CDH17: variants seen among roughly 807,000 people sequenced by gnomAD.
The protein encoded by CDH17 is cadherin-17.
CDH17 carries 67 observed loss-of-function variants against 86.3 expected under a neutral mutation model. That is an observed-to-expected ratio of 0.78 (90% CI 0.64 to 0.95). The LOEUF (loss-of-function observed/expected upper bound fraction) is 0.95, where lower values mean the gene tolerates loss of function less well. Ranked by LOEUF, CDH17 falls within the 40% of genes least tolerant of loss-of-function variation. The pLI, the probability that CDH17 is intolerant of heterozygous loss-of-function variation, is 0.00. For missense variants in CDH17, 993 were observed against 1,017.6 expected, an observed-to-expected ratio of 0.98 and a Z score of 0.33; for synonymous variants, 367 against 366.4, an observed-to-expected ratio of 1.00 and a Z score of -0.02.
At chr8:94,171,084 C>G in intron 7 of CDH17, 99 bp from the exon 8 acceptor site, 4 of 1,246,966 alleles carry the variant, frequency 3.2e-6, no homozygotes, top group Non-Finnish European at 4.4e-6. Context: ...TCTCTGACAA[C>G]CTTGTATGTT....
chr8:94,170,364 G>A (rs1403675815), intron 9 of CDH17, 33 bp downstream of exon 9: 2 of 1,604,982 alleles, frequency 1.2e-6, no homozygotes, highest in Non-Finnish European at 1.7e-6. Flanking sequence ...ATGGAGGGCA[G>A]TTACACAGCA....
chr8:94,153,558 T>C (rs1353866884), intron 12 of CDH17, among the ~76,000 whole-genome samples: 1 of 152,216 alleles, frequency 6.6e-6, no homozygotes, highest in Non-Finnish European at 1.5e-5. Flanking sequence ...CTATGTTCCC[T>C]GCAGCATCAT....
upstream of CDH17, among the ~76,000 whole-genome samples, chr8:94,213,203 C>T (rs539514963): frequency 2.6e-5 from 4 of 152,186 alleles, no homozygotes; most frequent in Non-Finnish European, 5.9e-5. Flanking sequence ...AACTCCTGAG[C>T]TCAAGTGATT....
intron 1 of CDH17, among the ~76,000 whole-genome samples, chr8:94,203,481 G>A (rs894424522): frequency 6.6e-6 from 1 of 152,118 alleles, no homozygotes; most frequent in Admixed American, 6.5e-5. Context: ...ATTGCTAAGA[G>A]CGGCATAAAT....
intron 1 of CDH17, among the ~76,000 whole-genome samples, chr8:94,200,023 A>G (rs1813874136): frequency 6.6e-6 from 1 of 152,228 alleles, no homozygotes. Flanking sequence ...TTGGTGGCCC[A>G]CTAATGAAAA....
In CDH17 at chr8:94,174,905, T is replaced by G. The variant is rs538078986; in HGVS notation, c.425-645A>C. Among the ~76,000 whole-genome samples, 29 of 152,318 alleles carry G rather than the reference T, an allele frequency of 1.9e-4. No individual in the cohort carries two copies. In the South Asian group the frequency reaches 4.8e-3, roughly 25 times the overall value. On this transcript the variant is annotated intron_variant, in intron 5 of 17. Transcript: ENST00000027335. ...TCAATTATTTTTCATTAAAACATGT[T>G]GATTAGTGTTATTTTTAATGAATTA... is the stretch of plus-strand genomic sequence containing the variant.
intron 12 of CDH17, among the ~76,000 whole-genome samples, chr8:94,153,725 G>A (rs1812897046): frequency 6.6e-6 from 1 of 152,124 alleles, no homozygotes; most frequent in East Asian, 1.9e-4. Context: ...CTTTAAAAAG[G>A]AAGGAAGTTC....
chr8:94,190,148 T>C (rs1813659103), intron 2 of CDH17, among the ~76,000 whole-genome samples: 1 of 152,216 alleles, frequency 6.6e-6, no homozygotes. Context: ...AAGTTACTAT[T>C]GTTACCCTTG....
intron 3 of CDH17, among the ~76,000 whole-genome samples, chr8:94,187,157 A>T (rs532224123): frequency 6.6e-6 from 1 of 152,252 alleles, no homozygotes; most frequent in East Asian, 1.9e-4. Flanking sequence ...GAGATAATGC[A>T]TATGTTAATT....
At chr8:94,130,443 G>C (rs1812389260) in intron 17 of CDH17, among the ~76,000 whole-genome samples, 183 bp downstream of exon 17, 1 of 152,194 alleles carries the variant, frequency 6.6e-6, no homozygotes. Flanking sequence ...ACAGAGGGTA[G>C]TACTAAAGCT....
chr8:94,136,878 C>A (rs1382588904), intron 15 of CDH17, among the ~76,000 whole-genome samples: 1 of 152,170 alleles, frequency 6.6e-6, no homozygotes, highest in African/African-American at 2.4e-5. Context: ...CTAACAGGTC[C>A]CTCAGCTGCA....
At chr8:94,200,925 A>G (rs1207563011) in intron 1 of CDH17, among the ~76,000 whole-genome samples, 2 of 152,098 alleles carry the variant, frequency 1.3e-5, no homozygotes, top group East Asian at 3.8e-4. Flanking sequence ...ATTATAATAT[A>G]CCTCTTAAAG....
At chr8:94,152,622 T>C (rs1312914289) in intron 12 of CDH17, among the ~76,000 whole-genome samples, 1 of 152,166 alleles carries the variant, frequency 6.6e-6, no homozygotes, top group African/African-American at 2.4e-5. Context: ...GGTCACAAAT[T>C]CCTTACCTCA....
intron 15 of CDH17, among the ~76,000 whole-genome samples, chr8:94,140,575 A>C (rs1303188534): frequency 6.6e-6 from 1 of 152,198 alleles, no homozygotes; most frequent in African/African-American, 2.4e-5. Flanking sequence ...AGAATAAAGG[A>C]AACAATAAAG....
At chr8:94,152,413 C>A (rs1812873100) in intron 12 of CDH17, among the ~76,000 whole-genome samples, 1 of 152,114 alleles carries the variant, frequency 6.6e-6, no homozygotes, top group African/African-American at 2.4e-5. Flanking sequence ...GAGATGGAGC[C>A]TCATGCTCTG....
intron 1 of CDH17, among the ~76,000 whole-genome samples, 165 bp downstream of exon 1, chr8:94,208,318 G>A (rs1404164742): frequency 6.6e-6 from 1 of 152,098 alleles, no homozygotes; most frequent in Non-Finnish European, 1.5e-5. Context: ...TGCTCCATAA[G>A]CAAAACTTGT....
At position 94,148,754 on chromosome 8, in the gene CDH17, G is replaced by C; in HGVS notation, c.1917C>G (p.Ala639=). 3 of 1,293,856 alleles carry C rather than the reference G, an allele frequency of 2.3e-6. No individual in the cohort carries two copies. The highest frequency in any genetic ancestry group is 3.1e-6 in the Non-Finnish European group (3 of 975,164). The allele number at this position is 1,293,856 out of a possible 1,614,324, so 80.1% of individuals were successfully genotyped here. ...TTTTTTTTTGCTTACCTACTTCTGT[G>C]GCCACCACTTGTACCCGATATGGAC... ...AGSPYRVQVV[A]TEVGGSSLSS... Residue 639 remains alanine, a synonymous_variant, in exon 14 of 18, where the codon GCC becomes GCG. Coordinates refer to ENST00000027335, the MANE Select transcript of CDH17 (RefSeq NM_004063.4).
At chr8:94,153,438 G>A (rs1812892257) in intron 12 of CDH17, among the ~76,000 whole-genome samples, 2 of 152,116 alleles carry the variant, frequency 1.3e-5, no homozygotes, top group African/African-American at 4.8e-5. Context: ...TAGCCATTGT[G>A]GAAAACAGTA....
At chr8:94,202,948 T>C in intron 1 of CDH17, 1 of 327,854 alleles carries the variant, frequency 3.1e-6, no homozygotes, top group Non-Finnish European at 5.9e-6. Context: ...CTTCTTGGGC[T>C]TTTTAGCTCT....
Sources: allele counts gnomAD v4.1 joint callset (sites outside exome capture counted in the v4.1 genomes callset), GRCh38; gene constraint gnomAD v4.1.1; transcripts MANE v1.5; gene names NCBI Gene and HGNC (gene_info 2026-07-23, HGNC 2026-07-21).